Variants in ZDHHC2 observed in about 807,000 individuals in gnomAD.
ZDHHC2 encodes the protein palmitoyltransferase ZDHHC2.
Under a neutral mutation model 55.6 loss-of-function variants are expected in ZDHHC2, and 51 were observed. The observed-to-expected ratio is 0.92, with a 90% CI of 0.73 to 1.16. The LOEUF (loss-of-function observed/expected upper bound fraction) is 1.16. Among genes scored for constraint, ZDHHC2 ranks in the 50% most tolerant of loss-of-function variants. The probability of loss-of-function intolerance (pLI) is 0.00; values close to 1 mark genes in which losing one functional copy is unlikely to be tolerated. For missense variants in ZDHHC2, 491 were observed against 442.4 expected (o/e 1.11, Z -0.99); for synonymous variants, 199 against 152.9 (o/e 1.30, Z -2.22).
intron 1 of ZDHHC2, among the ~76,000 whole-genome samples, chr8:17,179,167 A>G (rs182299573): frequency 1.3e-5 from 2 of 152,154 alleles, no homozygotes; most frequent in African/African-American, 2.4e-5. Flanking sequence ...GCCCGGGCCA[A>G]TCTCAAACTC....
intron 3 of ZDHHC2, 133 bp downstream of exon 3, chr8:17,186,558 A>T (rs953801723): frequency 1.9e-6 from 1 of 538,424 alleles, no homozygotes; most frequent in Non-Finnish European, 3.1e-6. Context: ...AAAAATTAGT[A>T]TTTCTGTTAA....
intron 1 of ZDHHC2, among the ~76,000 whole-genome samples, chr8:17,159,887 C>G (rs1483312774): frequency 6.6e-6 from 1 of 152,178 alleles, no homozygotes; most frequent in Non-Finnish European, 1.5e-5. Context: ...TCCCTCTCCC[C>G]TGTCCCTCCT....
intron 10 of ZDHHC2, 49 bp from the exon 11 acceptor site, chr8:17,215,188 T>G (rs1807591403): frequency 6.7e-7 from 1 of 1,499,106 alleles, no homozygotes; most frequent in Non-Finnish European, 9.0e-7. Flanking sequence ...AACTTTACTA[T>G]CAAAAATTAG....
At chr8:17,172,168 G>A (rs1319773331) in intron 1 of ZDHHC2, among the ~76,000 whole-genome samples, 2 of 152,054 alleles carry the variant, frequency 1.3e-5, no homozygotes, top group South Asian at 2.1e-4. Flanking sequence ...TAACTTTTTT[G>A]CCTACTTTAC....
intron 10 of ZDHHC2, among the ~76,000 whole-genome samples, chr8:17,212,379 C>G (rs917955214): frequency 2.6e-4 from 40 of 152,268 alleles, no homozygotes; most frequent in African/African-American, 9.6e-4. Flanking sequence ...CACCCTAAAC[C>G]AGAATCTCCT....
Position 17,172,462 on chromosome 8 carries a change from G to A in ZDHHC2, c.131-12327G>A, listed in dbSNP as rs145808122. ...ATGGGGAGTGGGCTGCAGTTTAGTG[G>A]GTACAAAGTTTCAGGTACGTTAGAT... On this transcript the variant is annotated intron_variant, in intron 1 of 12. Coordinates refer to ENST00000262096, the MANE Select transcript of ZDHHC2 (RefSeq NM_016353.5). Among the ~76,000 whole-genome samples, 92 of 152,228 alleles carry A rather than the reference G, an allele frequency of 6.0e-4. 5 individuals carry two copies. Among genetic ancestry groups the A allele is most frequent in the African/African-American group, 2.1e-3 (88 of 41,522 alleles).
chr8:17,217,132 A>C (rs566329796), intron 11 of ZDHHC2, 40 bp from the exon 12 acceptor site: 1 of 1,602,900 alleles, frequency 6.2e-7, no homozygotes, highest in East Asian at 2.2e-5. Context: ...CTATTTGTTC[A>C]AAAGCAACCA....
chr8:17,167,776 T>C (rs1804677254), intron 1 of ZDHHC2, among the ~76,000 whole-genome samples: 1 of 152,090 alleles, frequency 6.6e-6, no homozygotes, highest in African/African-American at 2.4e-5. Flanking sequence ...CATATATCTA[T>C]AATAAAAATA....
chr8:17,201,667 T>G (rs1183454275), intron 6 of ZDHHC2, among the ~76,000 whole-genome samples: 2,571 of 27,960 alleles, frequency 0.092, 74 homozygotes, highest in African/African-American at 0.15. Flanking sequence ...GGTTTTTGGT[T>G]TTTTTTTTTT....
intron 1 of ZDHHC2, among the ~76,000 whole-genome samples, chr8:17,173,782 A>G (rs1478597963): frequency 6.6e-6 from 1 of 152,096 alleles, no homozygotes; most frequent in Non-Finnish European, 1.5e-5. Flanking sequence ...CTGATTTTGG[A>G]GGATGCTGCA....
At chr8:17,188,137 A>G (rs1805815285) in intron 3 of ZDHHC2, among the ~76,000 whole-genome samples, 1 of 152,218 alleles carries the variant, frequency 6.6e-6, no homozygotes, top group Admixed American at 6.5e-5. Flanking sequence ...TGTGTGCCTA[A>G]TGGCCTATCA....
In ZDHHC2 at chr8:17,197,658, G is replaced by C. The variant is rs966580952; in HGVS notation, c.443+7G>C. ...ACTGCTCCGTCTGTGATAAGTAAGA[G>C]AACCTTTAACTTCTAAAATATCTAC... On this transcript the variant is annotated splice_region_variant and intron_variant, in intron 5 of 12. Transcript: ENST00000262096. 2 of 1,611,818 alleles carry C rather than the reference G, an allele frequency of 1.2e-6. No homozygotes were observed. Among genetic ancestry groups the C allele is most frequent in the Admixed American group, 3.3e-5 (2 of 59,742 alleles).
At chr8:17,199,298 G>C (rs981197228) in intron 6 of ZDHHC2, among the ~76,000 whole-genome samples, 3 of 152,060 alleles carry the variant, frequency 2.0e-5, no homozygotes, top group Non-Finnish European at 4.4e-5. Context: ...AAGCGTTCAG[G>C]CTAGTCAACC....
chr8:17,203,654 G>A (rs1806929033), intron 6 of ZDHHC2, among the ~76,000 whole-genome samples: 1 of 152,072 alleles, frequency 6.6e-6, no homozygotes, highest in Admixed American at 6.6e-5. Flanking sequence ...GTTAGATTAG[G>A]CTGTTTCCAG....
chr8:17,173,909 G>T lies in ZDHHC2; in HGVS notation c.131-10880G>T, dbSNP rs555851164. On this transcript the variant is annotated intron_variant, in intron 1 of 12. Transcript: ENST00000262096. ...ATTAAGTTAAAACGAAGTCACCAGA[G>T]TAATCCCTTATCCAACGTGACTTGC... 2.1e-4 allele frequency among the ~76,000 whole-genome samples: 32 copies of T among 152,180 alleles called. No individual in the cohort carries two copies. In the South Asian group the frequency reaches 3.9e-3, roughly 19 times the overall value.
intron 1 of ZDHHC2, among the ~76,000 whole-genome samples, chr8:17,158,039 G>T (rs892593832): frequency 1.3e-5 from 2 of 151,912 alleles, no homozygotes; most frequent in African/African-American, 4.8e-5. Context: ...ATTTCATATA[G>T]TTTTAAAATT....
chr8:17,176,038 A>T (rs527833668), intron 1 of ZDHHC2, among the ~76,000 whole-genome samples: 1 of 152,322 alleles, frequency 6.6e-6, no homozygotes, highest in East Asian at 1.9e-4. Flanking sequence ...ATGCTTGACC[A>T]CTGAGGCTGA....
chr8:17,211,815 C>A (rs1017806742), intron 10 of ZDHHC2, among the ~76,000 whole-genome samples: 1 of 152,042 alleles, frequency 6.6e-6, no homozygotes, highest in African/African-American at 2.4e-5. Context: ...ATGCCTTGTG[C>A]ATTTGGGCTT....
At chr8:17,157,082 C>G (rs868329527) in intron 1 of ZDHHC2, among the ~76,000 whole-genome samples, 2 of 152,084 alleles carry the variant, frequency 1.3e-5, no homozygotes, top group Non-Finnish European at 2.9e-5. Context: ...GCCTCCGCCC[C>G]GCACTCGCCG....
Sources: allele counts gnomAD v4.1 joint callset (sites outside exome capture counted in the v4.1 genomes callset), GRCh38; gene constraint gnomAD v4.1.1; transcripts MANE v1.5; gene names NCBI Gene and HGNC (gene_info 2026-07-23, HGNC 2026-07-21).